The following DNAJC6 variants were observed in gnomAD, a reference collection of about 807,000 sequenced individuals.
The protein encoded by DNAJC6 is auxilin.
In DNAJC6, 34 loss-of-function variants were observed where a neutral mutation model predicts 110.0. The ratio of observed to expected loss-of-function variants is 0.31; its 90% CI spans 0.24 to 0.41. The LOEUF (loss-of-function observed/expected upper bound fraction) is 0.41. DNAJC6 is among the 10% of genes least tolerant of loss of function. DNAJC6 has a pLI of 1.00. For missense variants in DNAJC6, 1,031 were observed against 1,207.8 expected (o/e 0.85, Z 2.17); for synonymous variants, 406 against 437.2 (o/e 0.93, Z 0.89).
In DNAJC6 at chr1:65,272,904, G is replaced by GT. The variant is rs541349381; in HGVS notation, c.-131+7979dup. Among the ~76,000 whole-genome samples, 3 of 152,140 alleles carry GT rather than the reference G, an allele frequency of 2.0e-5. No individual in the cohort carries two copies. In the East Asian group the frequency reaches 5.8e-4, roughly 29 times the overall value. On this transcript the variant is annotated intron_variant, in intron 1 of 19. Transcript: ENST00000263441. ...TTTTGTGTGTGTTTTAATAAATTCT[G>GT]TTTTTTTAGGAATTTGTCCATTTCA...
intron 5 of DNAJC6, 96 bp from the exon 6 acceptor site, chr1:65,384,097 C>T (rs1449785253): frequency 2.3e-6 from 3 of 1,310,800 alleles, no homozygotes; most frequent in East Asian, 5.6e-5. Context: ...GAGGATTTCT[C>T]CTCTCTCTGT....
At chr1:65,266,740 T>G (rs1653345868) in intron 1 of DNAJC6, among the ~76,000 whole-genome samples, 1 of 151,998 alleles carries the variant, frequency 6.6e-6, no homozygotes, top group Non-Finnish European at 1.5e-5. Flanking sequence ...GCCATGGACA[T>G]GATTTAGAAA....
chr1:65,315,472 C>T lies in DNAJC6; in HGVS notation c.193+5534C>T, dbSNP rs549724156. Among the ~76,000 whole-genome samples the T allele has an allele frequency of 1.3e-4, 20 of 152,146 alleles. No individual in the cohort carries two copies. In the South Asian group the frequency reaches 2.5e-3, roughly 19 times the overall value. On this transcript the variant is annotated intron_variant, in intron 1 of 18. Coordinates refer to ENST00000371069, the MANE Select transcript of DNAJC6 (RefSeq NM_001256864.2). The stretch of plus-strand genomic sequence containing the variant: ...TAAAAGTTTCTGGAAGGACTTTCAA[C>T]GTACAACATGAGTGTGTGTAAATAT...
chr1:65,380,166 T>G (rs995935297), intron 5 of DNAJC6, among the ~76,000 whole-genome samples: 1 of 152,242 alleles, frequency 6.6e-6, no homozygotes, highest in African/African-American at 2.4e-5. Context: ...CATAGTAAGC[T>G]CTTCTCCTGC....
At position 65,267,560 on chromosome 1, in the gene DNAJC6, G is replaced by GT. The variant is rs558523000; in HGVS notation, c.-131+2639dup. On this transcript the variant is annotated intron_variant, in intron 1 of 19. Coordinates refer to the DNAJC6 transcript ENST00000263441. ...TAAGCCGTATTCTGACATCACATCGGTTTTTTTTTTTCCTGTGAGTTTCAG... is the reference window on the plus strand; with the variant it reads ...TAAGCCGTATTCTGACATCACATCGGTTTTTTTTTTTTCCTGTGAGTTTCAG... Among the ~76,000 whole-genome samples the GT allele has an allele frequency of 1.6e-3, 232 of 146,814 alleles. 1 individual carries two copies. The highest frequency in any genetic ancestry group is 3.6e-3 in the Middle Eastern group (1 of 280).
chr1:65,389,499 T>C, intron 10 of DNAJC6, 48 bp from the exon 11 acceptor site: 1 of 1,613,728 alleles, frequency 6.2e-7, no homozygotes, highest in Non-Finnish European at 8.5e-7. Flanking sequence ...CTCTCTGTTA[T>C]TTATTTCCTG....
At position 65,384,383 on chromosome 1, in the gene DNAJC6, T is replaced by C. The variant is rs181100620; in HGVS notation, c.800+57T>C. ...ATGTAGTCTAATTGGTATCATGTAC[T>C]GTTTTAAATCTGCCTTACAAATCCT... is the stretch of plus-strand genomic sequence containing the variant. On this transcript the variant is annotated intron_variant, in intron 6 of 18. Transcript: ENST00000371069. 1.6e-4 allele frequency: 217 copies of C among 1,384,272 alleles called. No individual in the cohort carries two copies. In the East Asian group the frequency reaches 5.7e-3, roughly 36 times the overall value. 85.7% of individuals were successfully genotyped at this position (1,384,272 alleles called of 1,614,324 possible). A position where few individuals can be genotyped will look rare whatever the true frequency, so the allele number is the denominator to read the frequency against.
At chr1:65,304,777 A>G (rs1645022002), upstream of DNAJC6, among the ~76,000 whole-genome samples, 1 of 152,244 alleles carries the variant, frequency 6.6e-6, no homozygotes, top group African/African-American at 2.4e-5. Context: ...AAATGCCTGC[A>G]AGGGCTAACT....
chr1:65,333,343 T>A (rs1645305491), intron 1 of DNAJC6, among the ~76,000 whole-genome samples: 1 of 152,160 alleles, frequency 6.6e-6, no homozygotes, highest in Admixed American at 6.5e-5. Context: ...GAGTTTTATC[T>A]TCTGATTGCA....
intron 1 of DNAJC6, among the ~76,000 whole-genome samples, chr1:65,290,527 C>T (rs1257407412): frequency 6.6e-6 from 1 of 152,156 alleles, no homozygotes; most frequent in Non-Finnish European, 1.5e-5. Context: ...CACATATCAG[C>T]CTGATCTATT....
intron 4 of DNAJC6, among the ~76,000 whole-genome samples, chr1:65,372,615 T>C (rs1359385044): frequency 6.6e-6 from 1 of 152,174 alleles, no homozygotes; most frequent in Middle Eastern, 3.2e-3. Flanking sequence ...TGCTCATTTA[T>C]ACTTTACACA....
intron 11 of DNAJC6, 55 bp downstream of exon 11, chr1:65,389,682 G>C (rs1645907220): frequency 1.3e-6 from 2 of 1,587,780 alleles, no homozygotes; most frequent in Non-Finnish European, 1.7e-6. Flanking sequence ...TATTTCTTCT[G>C]TAAAGATGTT....
chr1:65,364,742 A>T lies in DNAJC6; in HGVS notation c.301A>T (p.Thr101Ser). The change falls in exon 2 of 19, where the codon ACC becomes TCC. Residue 101 changes from threonine (T) to serine (S), a missense_variant. Coordinates refer to ENST00000371069, the MANE Select transcript of DNAJC6 (RefSeq NM_001256864.2). ...FSNLKDNLKD[T>S]LKDTSSRVIQ... ...TAACCTAAAGGACAACTTGAAAGAC[A>T]CCCTCAAAGACACATCTTCTAGAGT... 1.2e-6 allele frequency: 2 copies of T among 1,613,074 alleles called. No homozygotes were observed. Among genetic ancestry groups the T allele is most frequent in the Non-Finnish European group, 1.7e-6 (2 of 1,179,492 alleles).
chr1:65,384,508 A>G (rs769500854), intron 6 of DNAJC6, among the ~76,000 whole-genome samples, 182 bp downstream of exon 6: 2 of 152,236 alleles, frequency 1.3e-5, no homozygotes, highest in Non-Finnish European at 2.9e-5. Flanking sequence ...AAGAGTTTCA[A>G]TGGATTCACA....
At chr1:65,349,104 A>AAATATATATG (rs1645466561) in intron 1 of DNAJC6, among the ~76,000 whole-genome samples, 1 of 130,062 alleles carries the variant, frequency 7.7e-6, no homozygotes, top group Non-Finnish European at 1.7e-5. Flanking sequence ...ATATATATAA[A>AAATATATATG]TAAATATGTA....
chr1:65,346,780 C>A (rs566468594), intron 1 of DNAJC6, among the ~76,000 whole-genome samples: 3 of 152,102 alleles, frequency 2.0e-5, no homozygotes, highest in Admixed American at 2.0e-4. Context: ...CCTTTGCTTG[C>A]TCTCCAACAT....
chr1:65,378,861 T>C (rs1407419921), intron 4 of DNAJC6, among the ~76,000 whole-genome samples: 1 of 152,190 alleles, frequency 6.6e-6, no homozygotes, highest in Admixed American at 6.5e-5. Flanking sequence ...TGATCCATAA[T>C]GTGTGAAAAA....
chr1:65,333,007 A>G (rs1645302158), intron 1 of DNAJC6, among the ~76,000 whole-genome samples: 1 of 152,198 alleles, frequency 6.6e-6, no homozygotes, highest in African/African-American at 2.4e-5. Flanking sequence ...TACAGTGGTT[A>G]CAGACTCACA....
chr1:65,266,958 G>A (rs1653354060), intron 1 of DNAJC6, among the ~76,000 whole-genome samples: 2 of 150,686 alleles, frequency 1.3e-5, no homozygotes, highest in Non-Finnish European at 2.9e-5. Context: ...GTGCAATGGT[G>A]CGATCTCGGC....
Sources: allele counts gnomAD v4.1 joint callset (sites outside exome capture counted in the v4.1 genomes callset), GRCh38; gene constraint gnomAD v4.1.1; transcripts MANE v1.5; gene names NCBI Gene and HGNC (gene_info 2026-07-23, HGNC 2026-07-21).